The following SEC63 variants were observed in gnomAD, a reference collection of about 807,000 sequenced individuals.
SEC63 encodes the protein SEC63 protein translocation regulator.
In SEC63, 56 loss-of-function variants were observed where a neutral mutation model predicts 116.2. That is an observed-to-expected ratio of 0.48 (90% CI 0.39 to 0.60). The LOEUF (loss-of-function observed/expected upper bound fraction) is 0.60, where lower values mean the gene tolerates loss of function less well. Among genes scored for constraint, SEC63 ranks in the 20% least tolerant of loss-of-function variants. The pLI is 0.00. For synonymous variants in SEC63, 273 were observed against 294.6 expected, an observed-to-expected ratio of 0.93 and a Z score of 0.75; for missense variants, 668 against 900.0, an observed-to-expected ratio of 0.74 and a Z score of 3.30.
In SEC63 at chr6:107,907,687, A is replaced by G. The variant is rs748880219; in HGVS notation, c.734-910T>C. Among the ~76,000 whole-genome samples, 12 of 152,340 alleles carry G rather than the reference A, an allele frequency of 7.9e-5. No homozygotes were observed. The South Asian group carries it at 2.1e-3, about 26-fold the overall frequency. On this transcript the variant is annotated intron_variant, in intron 8 of 20. Transcript: ENST00000369002. Reference sequence around the variant, plus strand: ...ACTTCCTAGCTAAATGACCTAGGACAATATTCTTCATATCTGTGTATCTCA... The same window carrying G: ...ACTTCCTAGCTAAATGACCTAGGACGATATTCTTCATATCTGTGTATCTCA...
At chr6:107,918,042 G>A (rs1787452355) in intron 4 of SEC63, among the ~76,000 whole-genome samples, 1 of 152,212 alleles carries the variant, frequency 6.6e-6, no homozygotes, top group Non-Finnish European at 1.5e-5. Context: ...AAGACAGGCT[G>A]ACTTTCTTGG....
intron 10 of SEC63, among the ~76,000 whole-genome samples, chr6:107,906,137 T>G (rs529983655): frequency 7.0e-4 from 106 of 152,070 alleles, no homozygotes; most frequent in Non-Finnish European, 1.3e-3. Flanking sequence ...ACCTGGTTGT[T>G]TAAAAACGTG....
At chr6:107,955,854 T>A (rs1296013396) in intron 1 of SEC63, 1 of 192,638 alleles carries the variant, frequency 5.2e-6, no homozygotes, top group African/African-American at 2.4e-5. Context: ...CTGCACTCCA[T>A]CCTGGGCAAC....
intron 1 of SEC63, among the ~76,000 whole-genome samples, chr6:107,951,749 T>C (rs2268632): frequency 0.98 from 148,299 of 151,868 alleles, 72,444 homozygotes; most frequent in African/African-American, 0.99. Flanking sequence ...TTTGGGAGGC[T>C]GAGGCAGGCG....
chr6:107,934,439 G>A (rs36086829), intron 1 of SEC63, among the ~76,000 whole-genome samples: 1 of 148,640 alleles, frequency 6.7e-6, no homozygotes, highest in Non-Finnish European at 1.5e-5. Flanking sequence ...GAGAGTGCCC[G>A]GCCGCGACCC....
intron 3 of SEC63, among the ~76,000 whole-genome samples, chr6:107,923,036 T>C (rs1031924490): frequency 1.3e-5 from 2 of 152,134 alleles, no homozygotes; most frequent in African/African-American, 4.8e-5. Context: ...CATACATATA[T>C]ATTCAGGGCA....
At chr6:107,933,912 G>A (rs1179592707) in intron 1 of SEC63, among the ~76,000 whole-genome samples, 8 of 152,332 alleles carry the variant, frequency 5.3e-5, no homozygotes, top group African/African-American at 1.2e-4. Flanking sequence ...TGGTGGAGAC[G>A]GGGTTTCGCT....
At chr6:107,929,859 C>T (rs905585753) in intron 1 of SEC63, among the ~76,000 whole-genome samples, 5 of 152,124 alleles carry the variant, frequency 3.3e-5, no homozygotes, top group African/African-American at 1.2e-4. Flanking sequence ...ATAGAAGGAA[C>T]AAGAAGTATA....
rs1356322930 is a variant in SEC63, at chr6:107,911,707, C to T, written c.574-311G>A. 3.3e-5 allele frequency among the ~76,000 whole-genome samples: 5 copies of T among 152,122 alleles called. No homozygotes were observed. In the East Asian group the frequency reaches 9.6e-4, roughly 29 times the overall value. On this transcript the variant is annotated intron_variant, in intron 6 of 20. Coordinates refer to ENST00000369002, the MANE Select transcript of SEC63 (RefSeq NM_007214.5). ...TGTTCATATCCACTATAATAAATTA[C>T]CTTTTAATTTTTTATTTACTGACAC...
chr6:107,956,869 CA>C (rs1271117598), intron 1 of SEC63, among the ~76,000 whole-genome samples: 2 of 152,084 alleles, frequency 1.3e-5, no homozygotes, highest in African/African-American at 4.8e-5. Flanking sequence ...CCAGCACACC[CA>C]ATTGAAGAGA....
intron 2 of SEC63, among the ~76,000 whole-genome samples, chr6:107,928,758 C>T (rs556842096): frequency 5.9e-5 from 9 of 152,268 alleles, no homozygotes; most frequent in South Asian, 2.1e-4. Context: ...AAACTGATGA[C>T]GCAGGATAAA....
chr6:107,922,455 G>A (rs543117714), intron 3 of SEC63, among the ~76,000 whole-genome samples: 1 of 152,364 alleles, frequency 6.6e-6, no homozygotes, highest in East Asian at 1.9e-4. Context: ...GCAGTGAGCT[G>A]AGACTACGCC....
chr6:107,914,406 T>G (rs1290715094), intron 4 of SEC63, among the ~76,000 whole-genome samples: 1 of 152,044 alleles, frequency 6.6e-6, no homozygotes, highest in Non-Finnish European at 1.5e-5. Context: ...TTAACAAAAC[T>G]CCAATCTGAG....
chr6:107,955,198 C>G (rs1205360607), intron 1 of SEC63, among the ~76,000 whole-genome samples: 1 of 152,212 alleles, frequency 6.6e-6, no homozygotes, highest in African/African-American at 2.4e-5. Flanking sequence ...GAACCTACCT[C>G]ACTGCATTGC....
At chr6:107,922,029 G>C (rs1787569981) in intron 3 of SEC63, 120 bp from the exon 4 acceptor site, 2 of 638,318 alleles carry the variant, frequency 3.1e-6, no homozygotes, top group Non-Finnish European at 5.5e-6. Context: ...TTTTGAGAAA[G>C]ACAAAATCCA....
intron 4 of SEC63, among the ~76,000 whole-genome samples, chr6:107,919,116 G>C (rs1787485932): frequency 6.6e-6 from 1 of 152,098 alleles, no homozygotes; most frequent in African/African-American, 2.4e-5. Flanking sequence ...TCTCCATGTT[G>C]GTCAGGCTGG....
intron 2 of SEC63, 76 bp downstream of exon 2, chr6:107,929,339 C>A: frequency 1.3e-6 from 1 of 772,656 alleles, no homozygotes; most frequent in South Asian, 1.5e-5. Flanking sequence ...ACTTATTCAT[C>A]ATTACACGTA....
chr6:107,892,070 C>T (rs958368850), intron 16 of SEC63, among the ~76,000 whole-genome samples: 8 of 152,192 alleles, frequency 5.3e-5, no homozygotes, highest in Non-Finnish European at 8.8e-5. Flanking sequence ...TATCAGAGCT[C>T]GAATGCTGTG....
intron 13 of SEC63, among the ~76,000 whole-genome samples, chr6:107,898,985 TG>T (rs1786932328): frequency 6.6e-6 from 1 of 152,218 alleles, no homozygotes; most frequent in African/African-American, 2.4e-5. Flanking sequence ...TTCTTCACCC[TG>T]GAAGTCTCCA....
Sources: allele counts gnomAD v4.1 joint callset (sites outside exome capture counted in the v4.1 genomes callset), GRCh38; gene constraint gnomAD v4.1.1; transcripts MANE v1.5; gene names NCBI Gene and HGNC (gene_info 2026-07-23, HGNC 2026-07-21).